RBM26: variants seen among roughly 807,000 people sequenced by gnomAD.
RBM26 encodes the protein RNA-binding protein 26.
RBM26 carries 30 observed loss-of-function variants against 123.6 expected under a neutral mutation model. The ratio of observed to expected loss-of-function variants is 0.24; its 90% CI spans 0.18 to 0.33. The LOEUF (loss-of-function observed/expected upper bound fraction) is 0.33, where lower values mean the gene tolerates loss of function less well. Ranked by LOEUF, RBM26 falls within the 10% of genes least tolerant of loss-of-function variation. RBM26 has a pLI of 1.00. For synonymous variants in RBM26, 400 were observed against 404.4 expected (o/e 0.99, Z 0.13); for missense variants, 947 against 1,203.6 (o/e 0.79, Z 3.15).
chr13:79,316,391 T>A (rs2067157868), downstream of RBM26, among the ~76,000 whole-genome samples: 1 of 104,800 alleles, frequency 9.5e-6, no homozygotes, highest in East Asian at 2.8e-4. Flanking sequence ...AATAAGCAAC[T>A]GTTGCTTCCT....
chr13:79,353,313 T>C, intron 13 of RBM26, 89 bp from the exon 14 acceptor site: 1 of 742,574 alleles, frequency 1.3e-6, no homozygotes, highest in Non-Finnish European at 2.2e-6. Context: ...TACTAATATA[T>C]ACAGAGTCTA....
At chr13:79,377,210 G>A (rs1566527143) in intron 3 of RBM26, 169 bp downstream of exon 3, 1 of 533,118 alleles carries the variant, frequency 1.9e-6, no homozygotes, top group Non-Finnish European at 3.3e-6. Context: ...AATAAGCCAG[G>A]GCCATAAGCA....
chr13:79,342,901 A>C (rs2071654626), intron 16 of RBM26, 70 bp from the exon 17 acceptor site: 2 of 923,580 alleles, frequency 2.2e-6, no homozygotes, highest in Non-Finnish European at 3.2e-6. Flanking sequence ...CAAACACTGC[A>C]AAGTAATTTA....
Position 79,371,032 on chromosome 13 carries a change from G to T in RBM26, c.547C>A (p.Arg183=), listed in dbSNP as rs746626725. 1.7e-5 allele frequency: 27 copies of T among 1,611,250 alleles called. No homozygotes were observed. Among genetic ancestry groups the T allele is most frequent in the Non-Finnish European group, 1.8e-5 (21 of 1,177,648 alleles). Reference sequence around the variant, plus strand: ...CTCTCTTTACTCCAACTTCGACTTCGACTCCTGCTATAACTGCGACTCCGC... The same window carrying T: ...CTCTCTTTACTCCAACTTCGACTTCTACTCCTGCTATAACTGCGACTCCGC... The part of the protein sequence containing the change: ...RGRSRSYSRS[R]SRSWSKERLR... The change falls in exon 5 of 22, where the codon CGA becomes AGA. Residue 183 remains arginine, a synonymous_variant. Coordinates refer to ENST00000438737, the MANE Select transcript of RBM26 (RefSeq NM_001366735.2).
At chr13:79,342,632 G>C in intron 17 of RBM26, 32 bp downstream of exon 17, 1 of 1,490,964 alleles carries the variant, frequency 6.7e-7, no homozygotes, top group Non-Finnish European at 9.2e-7. Context: ...TTGTTAATAA[G>C]TAATAATATG....
chr13:79,327,392 A>C (rs1391062889), intron 20 of RBM26, among the ~76,000 whole-genome samples: 1 of 152,154 alleles, frequency 6.6e-6, no homozygotes, highest in Non-Finnish European at 1.5e-5. Flanking sequence ...ATCACACATA[A>C]TACTGAAAAT....
chr13:79,375,077 G>GAC (rs2076528306), intron 3 of RBM26, among the ~76,000 whole-genome samples: 1 of 86,894 alleles, frequency 1.2e-5, no homozygotes, highest in Non-Finnish European at 2.0e-5. Flanking sequence ...ATATTTATAT[G>GAC]ATATATATAA....
intron 2 of RBM26, among the ~76,000 whole-genome samples, chr13:79,378,014 C>T (rs2076787811): frequency 6.6e-6 from 1 of 152,194 alleles, no homozygotes; most frequent in African/African-American, 2.4e-5. Flanking sequence ...TGAGGCAATA[C>T]TGATTCATGC....
chr13:79,354,297 A>C (rs750656881), intron 13 of RBM26, 142 bp downstream of exon 13: 3 of 614,304 alleles, frequency 4.9e-6, no homozygotes, highest in Non-Finnish European at 4.8e-6. Flanking sequence ...AAAAAAAAAC[A>C]ACCTTATAGG....
At chr13:79,397,606 C>T (rs571331962) in intron 1 of RBM26, among the ~76,000 whole-genome samples, 3 of 134,078 alleles carry the variant, frequency 2.2e-5, no homozygotes, top group African/African-American at 5.8e-5. Context: ...CGCGTGAACC[C>T]GGGAGGTGGA....
Position 79,366,453 on chromosome 13 carries a change from T to C in RBM26, c.1135+180A>G, listed in dbSNP as rs191545856. Among the ~76,000 whole-genome samples the C allele has an allele frequency of 8.5e-5, 13 of 152,334 alleles. No homozygotes were observed. The East Asian group carries it at 1.7e-3, about 20-fold the overall frequency. On this transcript the variant is annotated intron_variant, in intron 7 of 21. Coordinates refer to ENST00000438737, the MANE Select transcript of RBM26 (RefSeq NM_001366735.2). ...TTCACAGGGTCACTCCAAACCATAG[T>C]AACTGGCTTGGCACAGGCTACAAAG... is the stretch of plus-strand genomic sequence containing the variant.
chr13:79,331,126 T>A (rs530245982), intron 20 of RBM26, among the ~76,000 whole-genome samples: 224 of 152,212 alleles, frequency 1.5e-3, no homozygotes, highest in South Asian at 2.5e-3. Context: ...TCCTCCCACC[T>A]TAGCCTCGCA....
At chr13:79,403,893 T>C (rs549261653) in intron 1 of RBM26, among the ~76,000 whole-genome samples, 8 of 152,228 alleles carry the variant, frequency 5.3e-5, no homozygotes, top group African/African-American at 1.7e-4. Context: ...CATTTTTTCA[T>C]GCATTCTGCA....
chr13:79,365,993 T>G lies in RBM26; in HGVS notation c.1276+62A>C, dbSNP rs1038905155. The G allele has an allele frequency of 4.4e-5, 66 of 1,502,036 alleles. 1 individual carries two copies. The Admixed American group carries it at 5.3e-4, about 12-fold the overall frequency. The allele number at this position is 1,502,036 out of a possible 1,614,324, so 93.0% of individuals were successfully genotyped here. On this transcript the variant is annotated intron_variant, in intron 8 of 21. Coordinates refer to ENST00000438737, the MANE Select transcript of RBM26 (RefSeq NM_001366735.2). ...CTCACAGAGCAATTCTCTCTAGACA[T>G]TTTAAAATTCTTCATCTAAAACTGT...
chr13:79,321,220 A>G (rs1371844761), intron 21 of RBM26, among the ~76,000 whole-genome samples: 1 of 151,348 alleles, frequency 6.6e-6, no homozygotes, highest in African/African-American at 2.4e-5. Flanking sequence ...GCTATTTCAA[A>G]CTTTTCAAAA....
intron 3 of RBM26, among the ~76,000 whole-genome samples, chr13:79,375,883 T>C (rs1216994812): frequency 6.6e-6 from 1 of 151,754 alleles, no homozygotes. Context: ...TCAACATCTC[T>C]TACAATCTCA....
chr13:79,400,552 C>T (rs938487913), intron 1 of RBM26, among the ~76,000 whole-genome samples: 1 of 152,098 alleles, frequency 6.6e-6, no homozygotes, highest in Non-Finnish European at 1.5e-5. Flanking sequence ...AGAAGACAAA[C>T]ATTCAAATCT....
At chr13:79,390,173 T>G (rs1287114735) in intron 1 of RBM26, among the ~76,000 whole-genome samples, 1 of 152,184 alleles carries the variant, frequency 6.6e-6, no homozygotes, top group Non-Finnish European at 1.5e-5. Flanking sequence ...CTATTTTTAA[T>G]TAGTAAGACT....
At chr13:79,353,010 G>T in intron 14 of RBM26, 143 bp downstream of exon 14, 1 of 434,018 alleles carries the variant, frequency 2.3e-6, no homozygotes, top group Non-Finnish European at 3.9e-6. Flanking sequence ...TTCTTTTTCA[G>T]CAAATGGAAA....
Sources: gnomAD v4.1 joint callset for allele counts (sites outside exome capture counted in the v4.1 genomes callset) on GRCh38, gnomAD v4.1.1 for gene constraint, MANE v1.5 for transcripts, NCBI Gene and HGNC (gene_info 2026-07-23, HGNC 2026-07-21) for gene names.